Variants in GLI2 observed in about 807,000 individuals in gnomAD.
The protein encoded by GLI2 is transcription activator GLI2.
Under a neutral mutation model 78.9 loss-of-function variants are expected in GLI2, and 22 were observed. That is an observed-to-expected ratio of 0.28 (90% CI 0.20 to 0.40). GLI2 has a LOEUF of 0.40. GLI2 is among the 10% of genes least tolerant of loss of function. The pLI is 1.00. For synonymous variants in GLI2, 974 were observed against 963.7 expected, an observed-to-expected ratio of 1.01 and a Z score of -0.20; for missense variants, 2,097 against 2,213.2, an observed-to-expected ratio of 0.95 and a Z score of 1.05.
chr2:120,774,081 T>C (rs1396520925), intron 1 of GLI2, among the ~76,000 whole-genome samples: 1 of 151,686 alleles, frequency 6.6e-6, no homozygotes, highest in Non-Finnish European at 1.5e-5. Context: ...GGCACCCCGA[T>C]AGGATGTGAG....
intron 3 of GLI2, among the ~76,000 whole-genome samples, chr2:120,931,082 A>G (rs1679925520): frequency 6.6e-6 from 1 of 152,236 alleles, no homozygotes; most frequent in Admixed American, 6.5e-5. Context: ...TGCTGTAACT[A>G]ATTACCACAA....
intron 2 of GLI2, among the ~76,000 whole-genome samples, chr2:120,845,549 C>T (rs563744515): frequency 3.6e-4 from 55 of 152,284 alleles, no homozygotes; most frequent in African/African-American, 1.2e-3. Flanking sequence ...TCAGACACTC[C>T]GCCCAGTTTT....
At chr2:120,906,793 C>T (rs1030572253) in intron 2 of GLI2, among the ~76,000 whole-genome samples, 1 of 152,182 alleles carries the variant, frequency 6.6e-6, no homozygotes, top group Non-Finnish European at 1.5e-5. Flanking sequence ...TAGTTAGCAT[C>T]CTTCCTCCAG....
At chr2:120,843,129 G>C (rs902253202) in intron 2 of GLI2, among the ~76,000 whole-genome samples, 1 of 152,170 alleles carries the variant, frequency 6.6e-6, no homozygotes. Flanking sequence ...TTCAATAAAG[G>C]CCTCATTTTC....
intron 3 of GLI2, among the ~76,000 whole-genome samples, chr2:120,937,941 T>C (rs1309962973): frequency 1.3e-5 from 2 of 152,124 alleles, no homozygotes; most frequent in African/African-American, 2.4e-5. Context: ...CAGTGAAATA[T>C]AATGAAATCT....
rs1683317275 is a variant in GLI2, at chr2:120,992,130, G to A, written c.*1455G>A. The A allele has an allele frequency of 1.3e-5, 2 of 152,310 alleles. No homozygotes were observed. The highest frequency in any genetic ancestry group is 2.4e-5 in the African/African-American group (1 of 41,294). 9.4% of individuals were successfully genotyped at this position (152,310 alleles called of 1,614,324 possible). A position where few individuals can be genotyped will look rare whatever the true frequency, so the allele number is the denominator to read the frequency against. On this transcript the variant is annotated 3_prime_UTR_variant, in exon 14 of 14. Transcript: ENST00000361492. Reference sequence around the variant, plus strand: ...GAGTGTGACTCTGACTGTGACCTTGGCCTTAATGAGGAACTTCTTAGGAGA... The same window carrying A: ...GAGTGTGACTCTGACTGTGACCTTGACCTTAATGAGGAACTTCTTAGGAGA...
chr2:120,769,940 G>T (rs1184820642), intron 1 of GLI2, among the ~76,000 whole-genome samples: 2 of 152,098 alleles, frequency 1.3e-5, no homozygotes, highest in Non-Finnish European at 2.9e-5. Flanking sequence ...TGACTGGATG[G>T]GTCCTGGCTG....
rs370854879 is a variant in GLI2, at chr2:120,774,605, A to G, written c.-30-22686A>G. Among the ~76,000 whole-genome samples, 3 of 152,148 alleles carry G rather than the reference A, an allele frequency of 2.0e-5. No individual in the cohort carries two copies. The East Asian group carries it at 5.8e-4, about 29-fold the overall frequency. On this transcript the variant is annotated intron_variant, in intron 1 of 13. Transcript: ENST00000361492. ...GGCCTGGTCATCACCAGGCTGTTTT[A>G]CTATACAGGAAAATTGAAATAAAAC...
chr2:120,783,801 C>A (rs1683916000), intron 1 of GLI2, among the ~76,000 whole-genome samples: 1 of 152,110 alleles, frequency 6.6e-6, no homozygotes, highest in Non-Finnish European at 1.5e-5. Context: ...ATATGAAAAC[C>A]ACTTAAAGTC....
At chr2:120,839,942 C>T (rs1558826600) in intron 2 of GLI2, among the ~76,000 whole-genome samples, 2 of 152,182 alleles carry the variant, frequency 1.3e-5, no homozygotes, top group African/African-American at 2.4e-5. Flanking sequence ...TTTGTTTTCT[C>T]TCTTACAGGT....
Position 120,835,074 on chromosome 2 carries a change from A to C in GLI2, c.148+37606A>C, listed in dbSNP as rs532278525. 1.9e-3 allele frequency among the ~76,000 whole-genome samples: 293 copies of C among 152,314 alleles called. 3 individuals carry two copies. In the South Asian group the frequency reaches 0.023, roughly 12 times the overall value. On this transcript the variant is annotated intron_variant, in intron 2 of 13. Coordinates refer to ENST00000361492, the MANE Select transcript of GLI2 (RefSeq NM_001374353.1). ...TTGACTGGTTTTTGACAAACACACC[A>C]AACTGAAAAAAAGACAATCTCTCTG... is the stretch of plus-strand genomic sequence containing the variant.
intron 8 of GLI2, 125 bp downstream of exon 8, chr2:120,972,188 C>T: frequency 9.5e-7 from 1 of 1,054,142 alleles, no homozygotes; most frequent in Non-Finnish European, 1.4e-6. Flanking sequence ...ATGAGTGACC[C>T]AGGGAGGACT....
At chr2:120,792,788 A>T (rs1301918857) in intron 1 of GLI2, among the ~76,000 whole-genome samples, 1 of 151,902 alleles carries the variant, frequency 6.6e-6, no homozygotes, top group African/African-American at 2.4e-5. Flanking sequence ...ATGCCCAGCT[A>T]ATTTTTTGTA....
intron 2 of GLI2, among the ~76,000 whole-genome samples, chr2:120,839,785 A>G (rs1686782481): frequency 6.6e-6 from 1 of 151,884 alleles, no homozygotes; most frequent in Non-Finnish European, 1.5e-5. Context: ...CTGGTCATGA[A>G]CTCTGGACCT....
At chr2:120,958,916 T>C (rs547666348) in intron 5 of GLI2, among the ~76,000 whole-genome samples, 1 of 152,310 alleles carries the variant, frequency 6.6e-6, no homozygotes, top group African/African-American at 2.4e-5. Flanking sequence ...TGGGAGCACA[T>C]CTGGCAAGGA....
intron 2 of GLI2, among the ~76,000 whole-genome samples, chr2:120,913,961 C>T (rs1252863985): frequency 1.4e-4 from 21 of 152,196 alleles, no homozygotes; most frequent in Admixed American, 1.4e-3. Context: ...CTCGGCAGGA[C>T]GCAAGGCAGG....
rs992672480 is a variant in GLI2 at position 120,736,079 on chromosome 2, C to T, written c.-237C>T. Reference sequence around the variant, plus strand: ...CGCCGCAGCCTCGGGGAGCCGCCTGCTCGCCGGCGGTAGGGGCTGCGCGGC... The same window carrying T: ...CGCCGCAGCCTCGGGGAGCCGCCTGTTCGCCGGCGGTAGGGGCTGCGCGGC... On this transcript the variant is annotated 5_prime_UTR_variant, in exon 1 of 14. Coordinates refer to ENST00000361492, the MANE Select transcript of GLI2 (RefSeq NM_001374353.1). 2.0e-5 allele frequency among the ~76,000 whole-genome samples: 3 copies of T among 150,636 alleles called. No individual in the cohort carries two copies. The highest frequency in any genetic ancestry group is 4.4e-5 in the Non-Finnish European group (3 of 67,578).
At chr2:120,952,202 G>T (rs573321800) in intron 4 of GLI2, among the ~76,000 whole-genome samples, 9 of 152,190 alleles carry the variant, frequency 5.9e-5, no homozygotes, top group Non-Finnish European at 8.8e-5. Context: ...GCATGGCCCC[G>T]TGCCGCCCCT....
intron 5 of GLI2, among the ~76,000 whole-genome samples, chr2:120,960,259 A>T (rs1318834007): frequency 6.6e-6 from 1 of 152,140 alleles, no homozygotes; most frequent in Non-Finnish European, 1.5e-5. Flanking sequence ...CTCATACCCC[A>T]GCCTCCTTTC....
Sources: gnomAD v4.1 joint callset for allele counts (sites outside exome capture counted in the v4.1 genomes callset) on GRCh38, gnomAD v4.1.1 for gene constraint, MANE v1.5 for transcripts, NCBI Gene and HGNC (gene_info 2026-07-23, HGNC 2026-07-21) for gene names.